The following HOXC5 variants were observed in gnomAD, a reference collection of about 807,000 sequenced individuals.
HOXC5 encodes the protein homeobox protein Hox-C5.
A neutral mutation model predicts 20.1 loss-of-function variants in HOXC5; 19 were observed. The observed-to-expected ratio is 0.94, with a 90% CI of 0.66 to 1.38. The LOEUF (loss-of-function observed/expected upper bound fraction) is 1.38, where lower values mean the gene tolerates loss of function less well. HOXC5 is among the 40% of genes most tolerant of loss of function. HOXC5 has a pLI of 0.00. For synonymous variants in HOXC5, 124 were observed against 117.0 expected, an observed-to-expected ratio of 1.06 and a Z score of -0.39; for missense variants, 330 against 300.1, an observed-to-expected ratio of 1.10 and a Z score of -0.74.
At chr12:54,026,832 C>G in the HOXC5 span, among the ~76,000 whole-genome samples, 1 of 152,120 alleles carries the variant, frequency 6.6e-6, no homozygotes, top group Non-Finnish European at 1.5e-5. Flanking sequence ...TCAGCATAGT[C>G]CCGTTTATGG....
chr12:54,024,151 C>T, the HOXC5 span, among the ~76,000 whole-genome samples: 8 of 152,302 alleles, frequency 5.3e-5, no homozygotes, highest in East Asian at 1.9e-4. Flanking sequence ...CGGCTTTCTC[C>T]GTAAGAGGGA....
the HOXC5 span, among the ~76,000 whole-genome samples, chr12:54,023,104 G>C: frequency 6.6e-5 from 10 of 152,176 alleles, no homozygotes; most frequent in Non-Finnish European, 1.0e-4. Flanking sequence ...AGATCACAGA[G>C]AGCTGTGTCC....
At chr12:54,023,776 A>G in the HOXC5 span, among the ~76,000 whole-genome samples, 1 of 152,040 alleles carries the variant, frequency 6.6e-6, no homozygotes, top group Non-Finnish European at 1.5e-5. Flanking sequence ...ACCTTTTTGG[A>G]ATGCGGTGTG....
chr12:54,026,835 G>A, the HOXC5 span, among the ~76,000 whole-genome samples: 4 of 151,966 alleles, frequency 2.6e-5, no homozygotes, highest in Non-Finnish European at 5.9e-5. Flanking sequence ...GCATAGTCCC[G>A]TTTATGGCTT....
the HOXC5 span, among the ~76,000 whole-genome samples, chr12:54,026,765 CT>C: frequency 2.0e-5 from 3 of 152,172 alleles, no homozygotes; most frequent in Non-Finnish European, 4.4e-5. Flanking sequence ...TTTTTCCCCC[CT>C]AGCGACACTC....
chr12:54,029,697 A>G, upstream of HOXC5: 2 of 1,613,906 alleles, frequency 1.2e-6, no homozygotes, highest in Non-Finnish European at 1.7e-6. Context: ...CGCCAGATCT[A>G]CTCGCGGTAC....
At chr12:54,030,092 G>T, upstream of HOXC5, 1 of 926,194 alleles carries the variant, frequency 1.1e-6, no homozygotes, top group Non-Finnish European at 1.6e-6. Context: ...AAATTAGGGA[G>T]TCAAACGTGG....
At chr12:54,026,460 A>G in the HOXC5 span, among the ~76,000 whole-genome samples, 3 of 152,226 alleles carry the variant, frequency 2.0e-5, no homozygotes, top group Non-Finnish European at 2.9e-5. Flanking sequence ...TAACTCATCT[A>G]AAATTTTTTT....
chr12:54,025,608 C>T, the HOXC5 span, among the ~76,000 whole-genome samples: 1 of 151,762 alleles, frequency 6.6e-6, no homozygotes, highest in Admixed American at 6.6e-5. Flanking sequence ...TCTGTTTCCC[C>T]TTCTCTCCCC....
rs1210179296 is a variant in HOXC5 at position 54,033,335 on chromosome 12, C to T, written c.213C>T (p.Pro71=). 5 of 1,612,924 alleles carry T rather than the reference C, an allele frequency of 3.1e-6. No homozygotes were observed. The highest frequency in any genetic ancestry group is 2.7e-5 in the African/African-American group (2 of 74,912). The stretch of plus-strand genomic sequence containing the variant: ...TGGCTGCCAACCCCCGGGCTCACCC[C>T]GACCGCCCCGCCTGCAGCGCCGCGG... ...VDMAANPRAH[P]DRPACSAAAA... is the part of the protein sequence containing the mutation. Residue 71 remains proline, a synonymous_variant, in exon 1 of 2, where the codon CCC becomes CCT. Transcript: ENST00000312492.
chr12:54,029,638 T>G, upstream of HOXC5: 1 of 1,606,896 alleles, frequency 6.2e-7, no homozygotes, highest in Non-Finnish European at 8.5e-7. Flanking sequence ...TAGTGTGTTT[T>G]GTGCCCGGAT....
intron 1 of HOXC5, 59 bp downstream of exon 1, chr12:54,033,635 G>A (rs950656410): frequency 2.2e-6 from 3 of 1,369,406 alleles, no homozygotes; most frequent in South Asian, 1.5e-5. Flanking sequence ...TAGGCCATGC[G>A]GGGCAAATAA....
At position 54,034,313 on chromosome 12, in the gene HOXC5, C is replaced by G. The variant is rs1187230124; in HGVS notation, c.490C>G (p.Arg164Gly). The part of the protein sequence containing the change: ...DGKRSRTSYT[R>G]YQTLELEKEF... ...CAAGCGGTCCCGAACCAGTTACACG[C>G]GCTACCAGACTCTGGAACTCGAGAA... The change falls in exon 2 of 2, where the codon CGC becomes GGC. Residue 164 changes from arginine to glycine, a missense_variant. Transcript: ENST00000312492. 1 of 1,614,136 alleles carries G rather than the reference C, an allele frequency of 6.2e-7. No individual in the cohort carries two copies. The highest frequency in any genetic ancestry group is 1.7e-5 in the Admixed American group (1 of 60,038).
upstream of HOXC5, among the ~76,000 whole-genome samples, chr12:54,029,406 C>T (rs1940886389): frequency 1.2e-5 from 1 of 83,408 alleles, no homozygotes; most frequent in Non-Finnish European, 2.3e-5. Flanking sequence ...TTGCCCCGCC[C>T]CCCCGCCCCC....
intron 1 of HOXC5, 173 bp from the exon 2 acceptor site, chr12:54,034,105 G>T (rs1368104968): frequency 1.2e-5 from 9 of 728,678 alleles, no homozygotes; most frequent in Non-Finnish European, 2.3e-5. Context: ...CTGGGCGGAG[G>T]CGCCTCTCCC....
chr12:54,018,612 C>T, the HOXC5 span, among the ~76,000 whole-genome samples: 3 of 152,210 alleles, frequency 2.0e-5, no homozygotes, highest in African/African-American at 7.2e-5. Flanking sequence ...GTACGTGGCC[C>T]TGAATGTGTT....
chr12:54,019,653 G>A, the HOXC5 span, among the ~76,000 whole-genome samples: 3 of 152,010 alleles, frequency 2.0e-5, no homozygotes, highest in Non-Finnish European at 2.9e-5. Context: ...GATTCACCTA[G>A]AATATTAGAA....
chr12:54,028,571 G>C (rs200139629), upstream of HOXC5: 269 of 1,613,940 alleles, frequency 1.7e-4, no homozygotes, highest in Non-Finnish European at 2.2e-4. Flanking sequence ...CTCGCCGGGG[G>C]CCAGGACGTC....
upstream of HOXC5, chr12:54,029,785 G>A (rs199717526): frequency 2.5e-6 from 4 of 1,613,970 alleles, no homozygotes; most frequent in African/African-American, 4.0e-5. Context: ...TCGCCAACGC[G>A]CTTTGCCTGA....
Sources: allele counts gnomAD v4.1 joint callset (sites outside exome capture counted in the v4.1 genomes callset), GRCh38; gene constraint gnomAD v4.1.1; transcripts MANE v1.5; gene names NCBI Gene and HGNC (gene_info 2026-07-23, HGNC 2026-07-21).